Variants in SLCO4C1 observed in about 807,000 individuals in gnomAD.
SLCO4C1 encodes organic anion transporter M1.
A neutral mutation model predicts 72.1 loss-of-function variants in SLCO4C1; 58 were observed. That is an observed-to-expected ratio of 0.80 (90% confidence interval 0.65 to 1.00). SLCO4C1 has a LOEUF of 1.00. Ranked by LOEUF, SLCO4C1 falls within the 50% of genes least tolerant of loss-of-function variation. The pLI is 0.00. For missense variants in SLCO4C1, 898 were observed against 857.9 expected (o/e 1.05, Z -0.58); for synonymous variants, 297 against 312.5 (o/e 0.95, Z 0.52).
chr5:102,250,846 G>A (rs1404436224), intron 8 of SLCO4C1, among the ~76,000 whole-genome samples: 1 of 151,956 alleles, frequency 6.6e-6, no homozygotes, highest in African/African-American at 2.4e-5. Context: ...AAATTAGCTG[G>A]GCATGGTGGC....
intron 2 of SLCO4C1, among the ~76,000 whole-genome samples, chr5:102,278,308 T>A (rs982028617): frequency 5.3e-5 from 8 of 151,896 alleles, no homozygotes; most frequent in African/African-American, 1.5e-4. Flanking sequence ...CCAAGAAGAG[T>A]AACATGTTTT....
chr5:102,285,741 A>G (rs1253694114), intron 2 of SLCO4C1, among the ~76,000 whole-genome samples: 1 of 152,192 alleles, frequency 6.6e-6, no homozygotes, highest in Non-Finnish European at 1.5e-5. Flanking sequence ...CATTTGTTTT[A>G]TTACACCATT....
At chr5:102,270,293 C>G (rs1222772153) in intron 3 of SLCO4C1, among the ~76,000 whole-genome samples, 2 of 152,034 alleles carry the variant, frequency 1.3e-5, no homozygotes, top group Non-Finnish European at 1.5e-5. Flanking sequence ...AATCTCTACA[C>G]CTTGTAGAGA....
intron 8 of SLCO4C1, 134 bp from the exon 9 acceptor site, chr5:102,249,922 T>C: frequency 1.1e-6 from 1 of 874,254 alleles, no homozygotes. Flanking sequence ...AAATAAAACG[T>C]CTTCCTTTGC....
chr5:102,246,570 T>A (rs1748639576), intron 10 of SLCO4C1, among the ~76,000 whole-genome samples: 1 of 151,860 alleles, frequency 6.6e-6, no homozygotes, highest in Non-Finnish European at 1.5e-5. Context: ...CCAAAGCTAC[T>A]CTAAGCAAAA....
At chr5:102,260,524 C>T (rs1160986530) in intron 5 of SLCO4C1, among the ~76,000 whole-genome samples, 1 of 151,172 alleles carries the variant, frequency 6.6e-6, no homozygotes, top group African/African-American at 2.4e-5. Context: ...TAAAATTGTT[C>T]AAATATGTAA....
Position 102,237,047 on chromosome 5 carries a change from CTTTTGT to C in SLCO4C1, c.2015-35_2015-30del, listed in dbSNP as rs752694359. On this transcript the variant is annotated intron_variant, in intron 12 of 12. Transcript: ENST00000310954. ...AGTGAAAAAAAAAATTAATCATGTG[CTTTTGT>C]TTTTAATTATGATAAAAATTATCAC... The C allele has an allele frequency of 2.0e-5, 31 of 1,537,790 alleles. No individual in the cohort carries two copies. In the African/African-American group the frequency reaches 4.1e-4, roughly 20 times the overall value.
chr5:102,287,890 A>G (rs1749486361), intron 2 of SLCO4C1, among the ~76,000 whole-genome samples: 1 of 152,026 alleles, frequency 6.6e-6, no homozygotes, highest in Non-Finnish European at 1.5e-5. Flanking sequence ...CCGTTTCTAA[A>G]TGTCTGAATT....
At chr5:102,283,635 A>G (rs1225111195) in intron 2 of SLCO4C1, among the ~76,000 whole-genome samples, 1 of 151,130 alleles carries the variant, frequency 6.6e-6, no homozygotes, top group Non-Finnish European at 1.5e-5. Flanking sequence ...CTTCCACACA[A>G]TATATCTGGT....
At chr5:102,270,000 T>C (rs962063116) in intron 3 of SLCO4C1, among the ~76,000 whole-genome samples, 1 of 152,102 alleles carries the variant, frequency 6.6e-6, no homozygotes, top group South Asian at 2.1e-4. Flanking sequence ...CTCAGTGGCT[T>C]AGGCTACACT....
intron 2 of SLCO4C1, among the ~76,000 whole-genome samples, chr5:102,286,623 T>C (rs775133796): frequency 2.6e-5 from 4 of 152,124 alleles, no homozygotes; most frequent in Non-Finnish European, 5.9e-5. Context: ...CTTAATAGCA[T>C]GTATTTGTTC....
At chr5:102,244,750 T>C (rs1223108272) in intron 10 of SLCO4C1, among the ~76,000 whole-genome samples, 1 of 152,160 alleles carries the variant, frequency 6.6e-6, no homozygotes, top group African/African-American at 2.4e-5. Flanking sequence ...ATATTTAAAA[T>C]GCTGAAGGAA....
At chr5:102,295,314 T>G (rs1019724074) in intron 1 of SLCO4C1, among the ~76,000 whole-genome samples, 2 of 152,170 alleles carry the variant, frequency 1.3e-5, no homozygotes, top group African/African-American at 4.8e-5. Context: ...AGATTAAGGC[T>G]CAACAACGTC....
At chr5:102,276,181 T>C (rs1749243333) in intron 2 of SLCO4C1, among the ~76,000 whole-genome samples, 2 of 152,188 alleles carry the variant, frequency 1.3e-5, no homozygotes, top group African/African-American at 4.8e-5. Flanking sequence ...TCATGAATAG[T>C]AAATATTGGC....
chr5:102,270,814 G>GC lies in SLCO4C1; in HGVS notation c.620-9_620-8insG. The stretch of plus-strand genomic sequence containing the variant: ...TTGTTGTTACACAAGTGTCTTTGTG[G>GC]AAAAAAAAATTGTGAATTTATAGAA... On this transcript the variant is annotated splice_polypyrimidine_tract_variant and intron_variant, in intron 2 of 12. Transcript: ENST00000310954. 1.4e-6 allele frequency: 2 copies of GC among 1,446,638 alleles called. No individual in the cohort carries two copies. The highest frequency in any genetic ancestry group is 1.8e-6 in the Non-Finnish European group (2 of 1,081,522). The allele number at this position is 1,446,638 out of a possible 1,614,324, so 89.6% of individuals were successfully genotyped here. A position where few individuals can be genotyped will look rare whatever the true frequency, so the allele number is the denominator to read the frequency against.
chr5:102,241,556 T>C (rs1271466882), intron 10 of SLCO4C1, among the ~76,000 whole-genome samples: 1 of 152,098 alleles, frequency 6.6e-6, no homozygotes, highest in African/African-American at 2.4e-5. Context: ...AAAATACTTG[T>C]ACACTGAAAG....
intron 10 of SLCO4C1, among the ~76,000 whole-genome samples, chr5:102,246,871 A>AT (rs1748644622): frequency 6.6e-6 from 1 of 152,112 alleles, no homozygotes; most frequent in Non-Finnish European, 1.5e-5. Flanking sequence ...CTTAAGGAAG[A>AT]TTTAACGTCA....
chr5:102,290,843 C>T (rs188648114), intron 2 of SLCO4C1, among the ~76,000 whole-genome samples: 5 of 152,242 alleles, frequency 3.3e-5, no homozygotes, highest in South Asian at 2.1e-4. Context: ...CTCCATCTAA[C>T]GAGAGCAACT....
At chr5:102,243,074 C>T (rs1052625451) in intron 10 of SLCO4C1, among the ~76,000 whole-genome samples, 7 of 152,140 alleles carry the variant, frequency 4.6e-5, no homozygotes, top group South Asian at 2.1e-4. Context: ...CAGTACTCCT[C>T]GTGGCCTGGG....
Sources: allele counts gnomAD v4.1 joint callset (sites outside exome capture counted in the v4.1 genomes callset), GRCh38; gene constraint gnomAD v4.1.1; transcripts MANE v1.5; gene names NCBI Gene and HGNC (gene_info 2026-07-23, HGNC 2026-07-21).